Variants in SALL1 observed in about 807,000 individuals in gnomAD.
The protein encoded by SALL1 is sal-like protein 1.
In SALL1, 10 loss-of-function variants were observed where a neutral mutation model predicts 73.1. That is an observed-to-expected ratio of 0.14 (90% CI 0.08 to 0.23). SALL1 has a LOEUF of 0.23. Among genes scored for constraint, SALL1 ranks in the 10% least tolerant of loss-of-function variants. The pLI is 1.00. For missense variants in SALL1, 1,520 were observed against 1,697.3 expected (o/e 0.90, Z 1.84); for synonymous variants, 688 against 689.8 (o/e 1.00, Z 0.04).
In SALL1 at chr16:51,139,650, G is replaced by A. The variant is rs1229780478; in HGVS notation, c.2572C>T (p.Leu858Phe). Residue 858 changes from leucine to phenylalanine, a missense_variant, in exon 2 of 3, where the codon CTC becomes TTC. Leu to Phe is a conservative substitution (Grantham distance 22, BLOSUM62 0). Coordinates refer to ENST00000251020, the MANE Select transcript of SALL1 (RefSeq NM_002968.3). ...QDSLSSSPLP[L>F]EMSSIAALEN... is the part of the protein sequence containing the mutation. ...AAAGCAGCGATGCTCGACATCTCGA[G>A]GGGCAAAGGCGAAGAGGATAAGCTG... The A allele has an allele frequency of 2.5e-6, 4 of 1,613,810 alleles. No individual in the cohort carries two copies. The highest frequency in any genetic ancestry group is 1.1e-5 in the South Asian group (1 of 91,074).
At chr16:51,147,347 AAC>A (rs557285491) in intron 1 of SALL1, among the ~76,000 whole-genome samples, 40 of 152,366 alleles carry the variant, frequency 2.6e-4, no homozygotes, top group African/African-American at 7.5e-4. Flanking sequence ...TCACAAAAAA[AAC>A]AGTTTGCATT....
chr16:51,146,102 T>G (rs1041610788), intron 1 of SALL1, among the ~76,000 whole-genome samples: 6 of 151,846 alleles, frequency 4.0e-5, no homozygotes, highest in African/African-American at 1.5e-4. Flanking sequence ...CTACGACATA[T>G]GCTGTGCATA....
chr16:51,151,247 C>T lies in SALL1; in HGVS notation c.-6G>A. ...GCTTGCTTCCTCCGCGACATGCTGGCTCAAACATCAGCTGGGGCAGAATAA... is the reference window on the plus strand; with the variant it reads ...GCTTGCTTCCTCCGCGACATGCTGGTTCAAACATCAGCTGGGGCAGAATAA... On this transcript the variant is annotated 5_prime_UTR_variant, in exon 1 of 3. Coordinates refer to ENST00000251020, the MANE Select transcript of SALL1 (RefSeq NM_002968.3). The T allele has an allele frequency of 6.3e-7, 1 of 1,594,924 alleles. No homozygotes were observed. Among genetic ancestry groups the T allele is most frequent in the Non-Finnish European group, 8.5e-7 (1 of 1,171,354 alleles).
chr16:51,141,096 G>C lies in SALL1; in HGVS notation c.1126C>G (p.Pro376Ala), dbSNP rs369292961. 2 of 1,614,114 alleles carry C rather than the reference G, an allele frequency of 1.2e-6. No individual in the cohort carries two copies. The highest frequency in any genetic ancestry group is 2.7e-5 in the African/African-American group (2 of 74,940). The change falls in exon 2 of 3, where the codon CCA becomes GCA. Residue 376 changes from proline (P) to alanine (A), a missense_variant. By Grantham distance (27) the Pro-to-Ala change is conservative. Coordinates refer to ENST00000251020, the MANE Select transcript of SALL1 (RefSeq NM_002968.3). The surrounding 1 kb of genome is among the most constrained non-coding windows in gnomAD (Gnocchi z 5.4). ...AATAAACTGCTTATTGCAAAAGCTG[G>C]TGAGGACGATGATGAGACCGCTGGG... is the stretch of plus-strand genomic sequence containing the variant. ...SNPAVSSSSS[P>A]AFAISSLLSP... is the part of the protein sequence containing the mutation.
chr16:51,138,697 G>T lies in SALL1; in HGVS notation c.3525C>A (p.Gly1175=), dbSNP rs1962354224. The change falls in exon 2 of 3, where the codon GGC becomes GGA. Residue 1175 remains glycine (G), a synonymous_variant. Coordinates refer to ENST00000251020, the MANE Select transcript of SALL1 (RefSeq NM_002968.3). ...TICGRAFTTK[G]NLKVHMGTHM... ...AGAGAGAGCAAGGTACCTTAAGATT[G>T]CCTTTAGTCGTGAAAGCTCTTCCAC... 1 of 1,612,782 alleles carries T rather than the reference G, an allele frequency of 6.2e-7. No homozygotes were observed. The highest frequency in any genetic ancestry group is 1.3e-5 in the African/African-American group (1 of 74,926).
intron 1 of SALL1, among the ~76,000 whole-genome samples, chr16:51,143,040 C>T (rs996983709): frequency 3.9e-5 from 6 of 152,214 alleles, no homozygotes; most frequent in Non-Finnish European, 5.9e-5. Flanking sequence ...TCTGATTAAA[C>T]ATCAACTTCA....
In SALL1 at chr16:51,140,130, T is replaced by C; in HGVS notation, c.2092A>G (p.Ile698Val). The C allele has an allele frequency of 6.2e-7, 1 of 1,614,178 alleles. No homozygotes were observed. The highest frequency in any genetic ancestry group is 8.5e-7 in the Non-Finnish European group (1 of 1,180,040). Residue 698 changes from isoleucine (I) to valine (V), a missense_variant, in exon 2 of 3, where the codon ATT (isoleucine) becomes GTT (valine). Around this residue, in one of 7 missense-constraint regions of SALL1, gnomAD observed 276 missense variants for 259.1 expected, o/e 1.07. Coordinates refer to ENST00000251020, the MANE Select transcript of SALL1 (RefSeq NM_002968.3). The surrounding 1 kb of genome is among the most constrained non-coding windows in gnomAD (Gnocchi z 5.7). ...TTGGGGTCAGTGGCCTTCTTGTCAA[T>C]GTTTTCTACCAGTTGCTGAAGCTTG... ...TSKLQQLVENIDKKATDPNEC... is the reference protein window; with the variant it reads ...TSKLQQLVENVDKKATDPNEC...
Position 51,141,269 on chromosome 16 carries a change from G to A in SALL1, c.953C>T (p.Pro318Leu), listed in dbSNP as rs910738833. The change falls in exon 2 of 3, where the codon CCA becomes CTA. Residue 318 changes from proline to leucine, a missense_variant. Pro to Leu is a moderately conservative substitution (Grantham distance 98). Coordinates refer to ENST00000251020, the MANE Select transcript of SALL1 (RefSeq NM_002968.3). This position sits in a 1 kb window ranked among gnomAD's most constrained non-coding sequence, Gnocchi z 5.4. The stretch of plus-strand genomic sequence containing the variant: ...AGAACTGCTCTGAGGTAGCTGGATT[G>A]GGGGTAGCTGTTTCACACCACTAAT... Reference protein sequence around the residue: ...ASISGVKQLPPIQLPQSSSGN... With the variant: ...ASISGVKQLPLIQLPQSSSGN... The A allele has an allele frequency of 1.9e-6, 3 of 1,614,134 alleles. No homozygotes were observed. The highest frequency in any genetic ancestry group is 1.1e-5 in the South Asian group (1 of 91,072).
chr16:51,143,331 G>A (rs776995339), intron 1 of SALL1: 8 of 430,658 alleles, frequency 1.9e-5, no homozygotes, highest in Non-Finnish European at 3.3e-5. Context: ...TTCAAAGACA[G>A]GATGGCTTCC....
intron 1 of SALL1, among the ~76,000 whole-genome samples, chr16:51,145,217 TAC>T (rs3037183): frequency 0.45 from 67,026 of 149,788 alleles, 15,763 homozygotes; most frequent in South Asian, 0.7. Flanking sequence ...CACACACACA[TAC>T]ACACACACAC....
rs777483113 is a variant in SALL1 at position 51,140,263 on chromosome 16, G to A, written c.1959C>T (p.Gly653=). 6.2e-7 allele frequency: 1 copy of A among 1,614,178 alleles called. No homozygotes were observed. Among genetic ancestry groups the A allele is most frequent in the Non-Finnish European group, 8.5e-7 (1 of 1,180,046 alleles). The change falls in exon 2 of 3, where the codon GGC becomes GGT. Residue 653 remains glycine (G), a synonymous_variant. Coordinates refer to ENST00000251020, the MANE Select transcript of SALL1 (RefSeq NM_002968.3). This position sits in a 1 kb window ranked among gnomAD's most constrained non-coding sequence, Gnocchi z 5.7. ...SSPAADCGPA[G]SATTFTNPLL... ...AAGGGTTGGTGAAGGTGGTGGCACT[G>A]CCCGCGGGGCCGCAGTCTGCCGCTG... is the stretch of plus-strand genomic sequence containing the variant.
chr16:51,140,938 G>A lies in SALL1; in HGVS notation c.1284C>T (p.Ser428=). 2.5e-6 allele frequency: 4 copies of A among 1,614,246 alleles called. No individual in the cohort carries two copies. The highest frequency in any genetic ancestry group is 2.5e-6 in the Non-Finnish European group (3 of 1,180,056). Residue 428 remains serine, a synonymous_variant, in exon 2 of 3, where the codon AGC becomes AGT. Transcript: ENST00000251020. The surrounding 1 kb of genome is among the most constrained non-coding windows in gnomAD (Gnocchi z 5.7). ...CAAAGGCAGTGACATTTGGTGGCTT[G>A]CTTTTTCTTTGCTGGGCCAAGGCAG... is the stretch of plus-strand genomic sequence containing the variant. The part of the protein sequence containing the change: ...SLSALAQQRK[S]KPPNVTAFEA...
chr16:51,147,355 G>T (rs1446170201), intron 1 of SALL1, among the ~76,000 whole-genome samples: 2 of 152,044 alleles, frequency 1.3e-5, no homozygotes, highest in Non-Finnish European at 2.9e-5. Flanking sequence ...AAAACAGTTT[G>T]CATTTTCTCA....
At chr16:51,150,893 A>G (rs1378026005) in intron 1 of SALL1, 1 of 358,470 alleles carries the variant, frequency 2.8e-6, no homozygotes, top group African/African-American at 2.1e-5. Flanking sequence ...CCAGGCCGGC[A>G]TGCCCGCCCT....
intron 2 of SALL1, among the ~76,000 whole-genome samples, chr16:51,138,407 G>A (rs1015408100): frequency 1.1e-4 from 16 of 152,112 alleles, no homozygotes; most frequent in African/African-American, 3.9e-4. Context: ...TGCACTTAGC[G>A]AGACAACAGA....
chr16:51,142,104 T>C lies in SALL1; in HGVS notation c.118A>G (p.Lys40Glu). Residue 40 changes from lysine to glutamate, a missense_variant, in exon 2 of 3, where the codon AAG becomes GAG. Physicochemically the swap from Lys to Glu is moderately conservative, Grantham distance 56. Transcript: ENST00000251020. ...CACCGGCCACAGACGTGGGCATCCTTGCTCTTAGTAGGGCGACTCGGTTGA... is the reference window on the plus strand; with the variant it reads ...CACCGGCCACAGACGTGGGCATCCTCGCTCTTAGTAGGGCGACTCGGTTGA... The part of the protein sequence containing the change: ...KGQPSRPTKS[K>E]DAHVCGRCCA... 1 of 1,613,754 alleles carries C rather than the reference T, an allele frequency of 6.2e-7. No individual in the cohort carries two copies. Among genetic ancestry groups the C allele is most frequent in the Non-Finnish European group, 8.5e-7 (1 of 1,180,000 alleles).
Position 51,140,230 on chromosome 16 carries a change from C to A in SALL1, c.1992G>T (p.Pro664=), listed in dbSNP as rs754352358. Residue 664 remains proline (P), a synonymous_variant, in exon 2 of 3, where the codon CCG becomes CCT. Transcript: ENST00000251020. This position sits in a 1 kb window ranked among gnomAD's most constrained non-coding sequence, Gnocchi z 5.7. Reference sequence around the variant, plus strand: ...TGGCCTTGAACTGCTCGGACATGAGCGGCAACAAAGGGTTGGTGAAGGTGG... The same window carrying A: ...TGGCCTTGAACTGCTCGGACATGAGAGGCAACAAAGGGTTGGTGAAGGTGG... ...SATTFTNPLL[P]LMSEQFKAKF... The A allele has an allele frequency of 6.2e-7, 1 of 1,614,144 alleles. No homozygotes were observed. Among genetic ancestry groups the A allele is most frequent in the South Asian group, 1.1e-5 (1 of 91,088 alleles).
intron 1 of SALL1, among the ~76,000 whole-genome samples, chr16:51,144,366 T>A (rs1295564832): frequency 6.6e-6 from 1 of 152,230 alleles, no homozygotes; most frequent in African/African-American, 2.4e-5. Context: ...TATGTCAGCA[T>A]GTTCTATTAA....
At position 51,140,657 on chromosome 16, in the gene SALL1, G is replaced by A. The variant is rs200304033; in HGVS notation, c.1565C>T (p.Thr522Met). 219 of 1,614,162 alleles carry A rather than the reference G, an allele frequency of 1.4e-4. 2 individuals carry two copies. The highest frequency in any genetic ancestry group is 1.1e-4 in the Non-Finnish European group (125 of 1,180,022). The change falls in exon 2 of 3, where the codon ACG (threonine) becomes ATG (methionine). Residue 522 changes from threonine to methionine, a missense_variant. Around this residue, in one of 7 missense-constraint regions of SALL1, gnomAD observed 276 missense variants for 259.1 expected, o/e 1.07. Transcript: ENST00000251020. This position sits in a 1 kb window ranked among gnomAD's most constrained non-coding sequence, Gnocchi z 5.7. ...CATGCCATATGGGATGCCAGTACTC[G>A]TGGGGATATTGTCCAAATGCTCAGG... ...PVPEHLDNIP[T>M]STGIPYGMSI... is the part of the protein sequence containing the mutation.
Sources: allele counts gnomAD v4.1 joint callset (sites outside exome capture counted in the v4.1 genomes callset), GRCh38; gene constraint gnomAD v4.1.1; regional missense constraint gnomAD v4.1.1; non-coding constraint Gnocchi (gnomAD v3.1); transcripts MANE v1.5; gene names NCBI Gene and HGNC (gene_info 2026-07-23, HGNC 2026-07-21).